The following TMEM156 variants were observed in gnomAD, a reference collection of about 807,000 sequenced individuals.
The protein encoded by TMEM156 is transmembrane protein 156.
Under a neutral mutation model 30.5 loss-of-function variants are expected in TMEM156, and 28 were observed. That is an observed-to-expected ratio of 0.92 (90% CI 0.68 to 1.26). The LOEUF (loss-of-function observed/expected upper bound fraction) is 1.26, where lower values mean the gene tolerates loss of function less well. TMEM156 is among the 50% of genes most tolerant of loss of function. The probability of loss-of-function intolerance (pLI) is 0.00; values close to 1 mark genes in which losing one functional copy is unlikely to be tolerated. For missense variants in TMEM156, 351 were observed against 340.6 expected (o/e 1.03, Z -0.24); for synonymous variants, 137 against 119.9 (o/e 1.14, Z -0.93).
intron 1 of TMEM156, among the ~76,000 whole-genome samples, chr4:39,015,135 G>A (rs929571515): frequency 2.0e-5 from 3 of 152,082 alleles, no homozygotes; most frequent in African/African-American, 7.2e-5. Flanking sequence ...TATGTCTGTA[G>A]TTATATCCCT....
intron 1 of TMEM156, among the ~76,000 whole-genome samples, chr4:39,027,896 A>C (rs1383326190): frequency 6.6e-6 from 1 of 151,692 alleles, no homozygotes; most frequent in Non-Finnish European, 1.5e-5. Context: ...AGCTAGGATG[A>C]CAGGTGTGCA....
intron 5 of TMEM156, among the ~76,000 whole-genome samples, chr4:38,985,047 C>T (rs775871338): frequency 6.6e-6 from 1 of 152,098 alleles, no homozygotes; most frequent in African/African-American, 2.4e-5. Context: ...CTCAAAATTA[C>T]GACTTGAAAA....
chr4:38,970,972 C>T (rs1305060417), intron 6 of TMEM156, 60 bp downstream of exon 6: 2 of 1,126,696 alleles, frequency 1.8e-6, no homozygotes, highest in Non-Finnish European at 2.6e-6. Flanking sequence ...ATCAACTGTG[C>T]ATCCTTGAAT....
At chr4:38,976,523 C>T (rs1385602350) in intron 5 of TMEM156, among the ~76,000 whole-genome samples, 2 of 152,122 alleles carry the variant, frequency 1.3e-5, no homozygotes, top group Admixed American at 6.5e-5. Flanking sequence ...ATCTTGATTT[C>T]AGCCTGTGAG....
chr4:39,011,753 A>T (rs930940389), intron 1 of TMEM156, among the ~76,000 whole-genome samples: 1 of 152,190 alleles, frequency 6.6e-6, no homozygotes, highest in Admixed American at 6.5e-5. Flanking sequence ...AGCCTGGACA[A>T]CAGAGTGAGA....
chr4:38,990,853 T>TTTTTTTTTTTTTTTTTTTTG (rs1712397106), intron 3 of TMEM156, among the ~76,000 whole-genome samples: 3 of 124,284 alleles, frequency 2.4e-5, no homozygotes, highest in East Asian at 2.1e-4. Context: ...TTTTTTTTTT[T>TTTTTTTTTTTTTTTTTTTTG]GAGAGGGAGT....
intron 6 of TMEM156, among the ~76,000 whole-genome samples, chr4:38,970,114 G>A (rs1722524815): frequency 6.6e-6 from 1 of 151,404 alleles, no homozygotes; most frequent in African/African-American, 2.4e-5. Context: ...GCTCCTGTAG[G>A]ACAGCCCTCC....
At chr4:39,023,532 A>T (rs988266298) in intron 1 of TMEM156, among the ~76,000 whole-genome samples, 1 of 152,140 alleles carries the variant, frequency 6.6e-6, no homozygotes, top group African/African-American at 2.4e-5. Context: ...ATGAATCTCA[A>T]AAACATGCTA....
rs376272164 is a variant in TMEM156 at position 39,029,470 on chromosome 4, T to TAAAACCCAAGACAA, written c.88+2755_88+2756insTTGTCTTGGGTTTT. On this transcript the variant is annotated intron_variant, in intron 1 of 6. Transcript: ENST00000381938. ...ATTATTGTGATTAAGAACTAATTTTTTTGGGAGGCCGAGGCGGGCGGATCA... is the reference window on the plus strand; with the variant it reads ...ATTATTGTGATTAAGAACTAATTTTTAAAACCCAAGACAATTGGGAGGCCGAGGCGGGCGGATCA... Among the ~76,000 whole-genome samples the TAAAACCCAAGACAA allele has an allele frequency of 3.1e-4, 28 of 90,834 alleles. 3 individuals are homozygous for TAAAACCCAAGACAA. The highest frequency in any genetic ancestry group is 1.3e-3 in the African/African-American group (26 of 19,810). 59.6% of individuals were successfully genotyped at this position (90,834 alleles called of 152,430 possible).
chr4:39,007,557 C>T (rs1713825738), intron 1 of TMEM156, among the ~76,000 whole-genome samples: 2 of 152,074 alleles, frequency 1.3e-5, no homozygotes, highest in Non-Finnish European at 2.9e-5. Context: ...CGAGTTCAAA[C>T]GATTCTCCTG....
In TMEM156 at chr4:39,009,475, G is replaced by A. The variant is rs73140341; in HGVS notation, c.89-10566C>T. ...GAAACTATAGGCTAATTTCCTTGAT[G>A]AACATAGATGCAAAAATTCTCAGCA... is the stretch of plus-strand genomic sequence containing the variant. On this transcript the variant is annotated intron_variant, in intron 1 of 6. Transcript: ENST00000381938. Among the ~76,000 whole-genome samples the A allele has an allele frequency of 1.5e-3, 223 of 152,152 alleles. 2 individuals are homozygous for A. Among genetic ancestry groups the A allele is most frequent in the African/African-American group, 4.9e-3 (203 of 41,536 alleles).
intron 5 of TMEM156, among the ~76,000 whole-genome samples, chr4:38,973,211 T>A (rs1351333865): frequency 1.3e-5 from 2 of 152,302 alleles, no homozygotes; most frequent in Admixed American, 1.3e-4. Flanking sequence ...TCTATTTCAA[T>A]TTTTTCCTGG....
intron 1 of TMEM156, among the ~76,000 whole-genome samples, chr4:39,021,436 TGAAAAAA>T (rs1374931026): frequency 6.6e-6 from 1 of 151,432 alleles, no homozygotes; most frequent in African/African-American, 2.4e-5. Context: ...AAGAAAAAAA[TGAAAAAA>T]GAAAAAAGTA....
chr4:38,975,372 CTTTTTTCTTTTCT>C (rs1343308978), intron 5 of TMEM156, among the ~76,000 whole-genome samples: 2,832 of 139,538 alleles, frequency 0.02, 71 homozygotes, highest in African/African-American at 0.072. Flanking sequence ...TTTTTCTTTT[CTTTTTTCTTTTCT>C]TTTTTTTTTT....
intron 3 of TMEM156, among the ~76,000 whole-genome samples, chr4:38,991,948 C>T (rs1577534800): frequency 6.6e-6 from 1 of 152,240 alleles, no homozygotes; most frequent in Non-Finnish European, 1.5e-5. Context: ...TCTTCCATAG[C>T]CCCCACTCAT....
At chr4:38,999,984 C>T (rs1713222351) in intron 1 of TMEM156, among the ~76,000 whole-genome samples, 1 of 152,202 alleles carries the variant, frequency 6.6e-6, no homozygotes, top group African/African-American at 2.4e-5. Flanking sequence ...CCTACCACAA[C>T]TTCTAAAGAT....
At chr4:39,014,812 T>C (rs1261473482) in intron 1 of TMEM156, among the ~76,000 whole-genome samples, 1 of 152,094 alleles carries the variant, frequency 6.6e-6, no homozygotes, top group African/African-American at 2.4e-5. Context: ...ATTTTCATCT[T>C]TTTTTAAAAA....
At chr4:39,008,434 G>A (rs1713890755) in intron 1 of TMEM156, among the ~76,000 whole-genome samples, 1 of 152,016 alleles carries the variant, frequency 6.6e-6, no homozygotes, top group African/African-American at 2.4e-5. Flanking sequence ...TTTTTCTAAT[G>A]CTAACTTAAT....
chr4:38,978,205 C>T (rs904689700), intron 5 of TMEM156, among the ~76,000 whole-genome samples: 44 of 152,056 alleles, frequency 2.9e-4, no homozygotes, highest in African/African-American at 1.1e-3. Context: ...CTCTTATCTC[C>T]AAAACTACTT....
Sources: allele counts gnomAD v4.1 joint callset (sites outside exome capture counted in the v4.1 genomes callset), GRCh38; gene constraint gnomAD v4.1.1; transcripts MANE v1.5; gene names NCBI Gene and HGNC (gene_info 2026-07-23, HGNC 2026-07-21).